MEOX1: variants seen among roughly 807,000 people sequenced by gnomAD.
MEOX1 encodes the protein mesenchyme homeobox 1, also known as homeobox protein MOX-1.
Under a neutral mutation model 23.2 loss-of-function variants are expected in MEOX1, and 17 were observed. The observed-to-expected ratio is 0.73, with a 90% CI of 0.50 to 1.10. The LOEUF is 1.10. Among genes scored for constraint, MEOX1 ranks in the 50% least tolerant of loss-of-function variants. The pLI, the probability that MEOX1 is intolerant of heterozygous loss-of-function variation, is 0.00. For synonymous variants in MEOX1, 134 were observed against 135.1 expected (o/e 0.99, Z 0.06); for missense variants, 333 against 332.2 (o/e 1.00, Z -0.02).
chr17:43,655,882 T>C (rs1973009897), intron 1 of MEOX1, among the ~76,000 whole-genome samples: 1 of 152,314 alleles, frequency 6.6e-6, no homozygotes, highest in African/African-American at 2.4e-5. Context: ...CGTTGTTTAA[T>C]GGAGATAGAG....
At chr17:43,655,481 A>G (rs1296868658) in intron 1 of MEOX1, among the ~76,000 whole-genome samples, 2 of 151,828 alleles carry the variant, frequency 1.3e-5, no homozygotes, top group Non-Finnish European at 2.9e-5. Context: ...AAAAAAAAAA[A>G]AAGAAGAAAG....
intron 1 of MEOX1, among the ~76,000 whole-genome samples, chr17:43,655,201 A>C (rs2154588963): frequency 6.6e-6 from 1 of 152,156 alleles, no homozygotes; most frequent in Non-Finnish European, 1.5e-5. Context: ...GGCCGGGCAC[A>C]GTGGCTCACG....
Position 43,643,003 on chromosome 17 carries a change from C to G in MEOX1, c.642+485G>C, listed in dbSNP as rs180831611. ...ATCCCTAGGGGTGGAGCCCAGACAT[C>G]AGCACTATTAAAATCTCCCCAGGGG... On this transcript the variant is annotated intron_variant, in intron 2 of 2. Coordinates refer to ENST00000318579, the MANE Select transcript of MEOX1 (RefSeq NM_004527.4). 2.0e-5 allele frequency among the ~76,000 whole-genome samples: 3 copies of G among 152,200 alleles called. No homozygotes were observed. The South Asian group carries it at 6.2e-4, about 31-fold the overall frequency.
chr17:43,659,045 G>A lies in MEOX1; in HGVS notation c.469+2021C>T, dbSNP rs183708896. On this transcript the variant is annotated intron_variant, in intron 1 of 2. Transcript: ENST00000318579. Reference sequence around the variant, plus strand: ...GGGTGGCCAGCTGCTTAGTGTGAATGGTCTCTCTGCATTGCAGGGCCATCG... The same window carrying A: ...GGGTGGCCAGCTGCTTAGTGTGAATAGTCTCTCTGCATTGCAGGGCCATCG... Among the ~76,000 whole-genome samples the A allele has an allele frequency of 2.4e-3, 369 of 152,336 alleles. 2 individuals are homozygous for A. Among genetic ancestry groups the A allele is most frequent in the African/African-American group, 8.4e-3 (350 of 41,572 alleles).
chr17:43,651,471 C>T (rs768589444), intron 1 of MEOX1, among the ~76,000 whole-genome samples: 8 of 151,984 alleles, frequency 5.3e-5, no homozygotes, highest in Non-Finnish European at 1.0e-4. Context: ...CCTCAGCTGT[C>T]ACCAAAGGAA....
At position 43,640,664 on chromosome 17, in the gene MEOX1, G is replaced by A. The variant is rs1000925223; in HGVS notation, c.*1246C>T. ...TCTGCAACACCAGCTGGTGTTGGGA[G>A]ACAGAGCGCTGAGGCAGCCAGGGCT... On this transcript the variant is annotated 3_prime_UTR_variant, in exon 3 of 3. Coordinates refer to ENST00000318579, the MANE Select transcript of MEOX1 (RefSeq NM_004527.4). 5.3e-5 allele frequency: 8 copies of A among 152,150 alleles called. No individual in the cohort carries two copies. Among genetic ancestry groups the A allele is most frequent in the African/African-American group, 1.9e-4 (8 of 41,438 alleles). 9.4% of individuals were successfully genotyped at this position (152,150 alleles called of 1,614,324 possible). A position where few individuals can be genotyped will look rare whatever the true frequency, so the allele number is the denominator to read the frequency against.
At chr17:43,660,998 A>G in intron 1 of MEOX1, 68 bp downstream of exon 1, 1 of 1,033,732 alleles carries the variant, frequency 9.7e-7, no homozygotes, top group Non-Finnish European at 1.4e-6. Flanking sequence ...ACCTAGGCAC[A>G]GAGAGGGTGA....
At chr17:43,654,209 C>A (rs1972969967) in intron 1 of MEOX1, among the ~76,000 whole-genome samples, 1 of 152,094 alleles carries the variant, frequency 6.6e-6, no homozygotes, top group Non-Finnish European at 1.5e-5. Flanking sequence ...ATCCAATCTG[C>A]CTGATATGCT....
Position 43,661,502 on chromosome 17 carries a change from G to T in MEOX1, c.33C>A (p.Ser11Arg), listed in dbSNP as rs1421248463. MDPAASSCMRSLQPPAPVWGC... is the reference protein window; with the variant it reads MDPAASSCMRRLQPPAPVWGC... ...CCCAGACAGGGGCTGGGGGCTGGAG[G>T]CTCCTCATGCAGCTGCTGGCCGCGG... Residue 11 changes from serine (S) to arginine (R), a missense_variant, in exon 1 of 3, where the codon AGC becomes AGA. By Grantham distance (110) the Ser-to-Arg change is moderately radical. Transcript: ENST00000318579. 4.4e-6 allele frequency: 7 copies of T among 1,587,316 alleles called. No homozygotes were observed. In the African/African-American group the frequency reaches 8.1e-5, roughly 18 times the overall value.
rs1972743328 is a variant in MEOX1, at chr17:43,643,587, C to T, written c.543G>A (p.Glu181=). The change falls in exon 2 of 3, where the codon GAG becomes GAA. Residue 181 remains glutamate, a synonymous_variant. Coordinates refer to ENST00000318579, the MANE Select transcript of MEOX1 (RefSeq NM_004527.4). ...ACTCTGCCTCCAGCTCTCGCAGCTG[C>T]TCCTTGGTGAAGGCCGTCCTCTCCT... ...ARKERTAFTK[E]QLRELEAEFA... 3.1e-6 allele frequency: 5 copies of T among 1,613,422 alleles called. No homozygotes were observed. Among genetic ancestry groups the T allele is most frequent in the Non-Finnish European group, 4.2e-6 (5 of 1,179,866 alleles).
intron 1 of MEOX1, among the ~76,000 whole-genome samples, chr17:43,657,019 TTTC>T (rs1227246360): frequency 8.2e-6 from 1 of 121,878 alleles, no homozygotes; most frequent in African/African-American, 3.0e-5. Flanking sequence ...TTTCTCTTTC[TTTC>T]TTTCTTTCTT....
intron 1 of MEOX1, among the ~76,000 whole-genome samples, chr17:43,645,301 C>G (rs551818691): frequency 6.6e-6 from 1 of 151,590 alleles, no homozygotes; most frequent in Admixed American, 6.6e-5. Context: ...CTCCGCCTCC[C>G]GAGTAGCTGG....
chr17:43,643,552 T>C lies in MEOX1; in HGVS notation c.578A>G (p.His193Arg), dbSNP rs149570783. 2.3e-4 allele frequency: 366 copies of C among 1,611,624 alleles called. 3 individuals carry two copies. In the African/African-American group the frequency reaches 4.6e-3, roughly 20 times the overall value. ...TCTGCGGAGCCGAGTCAGGTAGTTA[T>C]GATGGGCAAACTCTGCCTCCAGCTC... is the stretch of plus-strand genomic sequence containing the variant. ...LRELEAEFAH[H>R]NYLTRLRRYE... Residue 193 changes from histidine (H) to arginine (R), a missense_variant, in exon 2 of 3, where the codon CAT becomes CGT. By Grantham distance (29) the His-to-Arg change is conservative (BLOSUM62 0). Coordinates refer to ENST00000318579, the MANE Select transcript of MEOX1 (RefSeq NM_004527.4).
At chr17:43,646,343 C>T (rs948106994) in intron 1 of MEOX1, among the ~76,000 whole-genome samples, 11 of 152,182 alleles carry the variant, frequency 7.2e-5, no homozygotes, top group South Asian at 2.1e-4. Flanking sequence ...CGGTCACGAG[C>T]GGATGACGGG....
intron 1 of MEOX1, among the ~76,000 whole-genome samples, chr17:43,660,427 G>C (rs1973114765): frequency 6.6e-6 from 1 of 152,174 alleles, no homozygotes; most frequent in Non-Finnish European, 1.5e-5. Flanking sequence ...TGAGTTGTCT[G>C]TCCCCTTGGC....
chr17:43,657,891 T>C (rs767566420), intron 1 of MEOX1, among the ~76,000 whole-genome samples: 1 of 152,248 alleles, frequency 6.6e-6, no homozygotes, highest in South Asian at 2.1e-4. Context: ...ACAGCTGCTA[T>C]TTATTGAACT....
chr17:43,643,359 G>C (rs1972734645), intron 2 of MEOX1, 129 bp downstream of exon 2: 3 of 828,570 alleles, frequency 3.6e-6, no homozygotes, highest in African/African-American at 1.7e-5. Context: ...CTCAGGTGTG[G>C]CCACAGTTGA....
chr17:43,642,529 G>A (rs912881508), intron 2 of MEOX1, among the ~76,000 whole-genome samples: 14 of 152,174 alleles, frequency 9.2e-5, no homozygotes, highest in Non-Finnish European at 1.9e-4. Context: ...AAGTGATAGA[G>A]GCAGGATTTG....
At chr17:43,653,077 C>T (rs774282521) in intron 1 of MEOX1, among the ~76,000 whole-genome samples, 1 of 151,436 alleles carries the variant, frequency 6.6e-6, no homozygotes, top group Non-Finnish European at 1.5e-5. Context: ...CGTGATTCAC[C>T]AGCCTCAGCC....
Sources: gnomAD v4.1 joint callset for allele counts (sites outside exome capture counted in the v4.1 genomes callset) on GRCh38, gnomAD v4.1.1 for gene constraint, MANE v1.5 for transcripts, NCBI Gene and HGNC (gene_info 2026-07-23, HGNC 2026-07-21) for gene names.